NAV1: variants seen among roughly 807,000 people sequenced by gnomAD.
NAV1 encodes pore membrane and/or filament interacting like protein 3.
NAV1 carries 18 observed loss-of-function variants against 175.2 expected under a neutral mutation model. The observed-to-expected ratio is 0.10, with a 90% confidence interval of 0.07 to 0.15. The LOEUF (loss-of-function observed/expected upper bound fraction) is 0.15. NAV1 is among the 10% of genes least tolerant of loss of function. The pLI, the probability that NAV1 is intolerant of heterozygous loss-of-function variation, is 1.00. For missense variants in NAV1, 1,731 were observed against 2,436.6 expected (o/e 0.71, Z 6.10); for synonymous variants, 897 against 978.7 (o/e 0.92, Z 1.56).
chr1:201,593,682 T>G (rs963334377), intron 2 of NAV1, among the ~76,000 whole-genome samples: 2 of 152,160 alleles, frequency 1.3e-5, no homozygotes, highest in African/African-American at 4.8e-5. Context: ...ATTGCAACAT[T>G]GTCATGGGGG....
At chr1:201,758,372 T>C (rs1399533523) in intron 3 of NAV1, among the ~76,000 whole-genome samples, 3 of 152,232 alleles carry the variant, frequency 2.0e-5, no homozygotes, top group Admixed American at 2.0e-4. Flanking sequence ...TTGGAAACTG[T>C]AGGAACCAAC....
chr1:201,727,015 A>C (rs192221281), intron 3 of NAV1, among the ~76,000 whole-genome samples: 274 of 152,300 alleles, frequency 1.8e-3, no homozygotes, highest in African/African-American at 6.4e-3. Flanking sequence ...GTGAGTTTGG[A>C]TGAGTTTTTC....
At chr1:201,732,391 C>T (rs537872793) in intron 3 of NAV1, among the ~76,000 whole-genome samples, 33 of 152,158 alleles carry the variant, frequency 2.2e-4, no homozygotes, top group African/African-American at 6.7e-4. Context: ...GCTGCCCAGG[C>T]GGGTCTCAAA....
intron 1 of NAV1, among the ~76,000 whole-genome samples, chr1:201,564,335 C>T (rs1047803635): frequency 1.3e-5 from 2 of 152,128 alleles, no homozygotes; most frequent in Non-Finnish European, 2.9e-5. Context: ...GGGAATGGGG[C>T]CAGGCACGGT....
At chr1:201,597,311 T>C (rs1157863930) in intron 2 of NAV1, among the ~76,000 whole-genome samples, 1 of 152,182 alleles carries the variant, frequency 6.6e-6, no homozygotes, top group East Asian at 1.9e-4. Context: ...CTTCCCAGCC[T>C]TCACCCAGCT....
At chr1:201,723,613 A>G (rs960405814) in intron 3 of NAV1, 1 of 152,222 alleles carries the variant, frequency 6.6e-6, no homozygotes, top group Non-Finnish European at 1.5e-5. Flanking sequence ...TTACCAATGC[A>G]GAATCTCTGC....
intron 3 of NAV1, among the ~76,000 whole-genome samples, chr1:201,748,094 A>C (rs1673884833): frequency 6.6e-6 from 1 of 152,164 alleles, no homozygotes; most frequent in Non-Finnish European, 1.5e-5. Context: ...CTTCATAAAG[A>C]CTACTCTTCT....
chr1:201,629,502 G>A, exon 2 of NAV1: 2 of 1,303,380 alleles, frequency 1.5e-6, no homozygotes, highest in Non-Finnish European at 2.0e-6. Flanking sequence ...AGCTTCTCCT[G>A]CATGGGTAAG....
intron 1 of NAV1, among the ~76,000 whole-genome samples, chr1:201,569,252 C>T (rs937328968): frequency 1.3e-5 from 2 of 152,222 alleles, no homozygotes; most frequent in African/African-American, 4.8e-5. Context: ...GGCAGCTTCA[C>T]TCCAGTGCAA....
At chr1:201,653,777 T>C (rs1053717524) in intron 1 of NAV1, among the ~76,000 whole-genome samples, 1 of 152,074 alleles carries the variant, frequency 6.6e-6, no homozygotes, top group African/African-American at 2.4e-5. Context: ...GCAGTAGTGA[T>C]GGAGGATGCT....
chr1:201,785,705 C>G (rs1191664618), intron 8 of NAV1, among the ~76,000 whole-genome samples: 1 of 151,846 alleles, frequency 6.6e-6, no homozygotes, highest in Non-Finnish European at 1.5e-5. Context: ...TTTGGTCACT[C>G]AGCTGGGCTA....
chr1:201,597,166 T>C (rs1240833695), intron 2 of NAV1, among the ~76,000 whole-genome samples: 1 of 151,934 alleles, frequency 6.6e-6, no homozygotes, highest in African/African-American at 2.4e-5. Flanking sequence ...AACGAGAACA[T>C]TGGTCTAGTC....
chr1:201,788,583 C>T lies in NAV1; in HGVS notation c.3111C>T (p.Ala1037=), dbSNP rs751797090. ...AAATGGGGAGCACCCTGTCCCTGGC[C>T]GAGAGACCCAAGGGAATGATTCGGT... is the stretch of plus-strand genomic sequence containing the variant. Residue 1037 remains alanine, a synonymous_variant, in exon 10 of 30, where the codon GCC becomes GCT. Coordinates refer to ENST00000367296, the Ensembl canonical transcript of NAV1. This position sits in a 1 kb window ranked among gnomAD's most constrained non-coding sequence, Gnocchi z 5.7. 8.7e-6 allele frequency: 14 copies of T among 1,614,120 alleles called. No individual in the cohort carries two copies. Among genetic ancestry groups the T allele is most frequent in the East Asian group, 2.2e-5 (1 of 44,882 alleles).
chr1:201,575,612 A>C (rs534060852), intron 1 of NAV1, among the ~76,000 whole-genome samples: 2 of 152,232 alleles, frequency 1.3e-5, no homozygotes, highest in Non-Finnish European at 2.9e-5. Context: ...GGGGCCCCTT[A>C]AATTGGAAGG....
At chr1:201,823,790 C>T (rs1223921954) in exon 30 of NAV1, 2 of 152,236 alleles carry the variant, frequency 1.3e-5, no homozygotes, top group Non-Finnish European at 2.9e-5. Context: ...ATCTCACCAT[C>T]TCTTCACTTC....
chr1:201,815,886 G>A (rs1325139058), intron 28 of NAV1, among the ~76,000 whole-genome samples: 4 of 152,018 alleles, frequency 2.6e-5, no homozygotes, highest in African/African-American at 7.2e-5. Flanking sequence ...TTACAGGCAT[G>A]TGTCACCACG....
intron 1 of NAV1, among the ~76,000 whole-genome samples, chr1:201,667,593 C>T (rs1669876942): frequency 6.6e-6 from 1 of 152,158 alleles, no homozygotes; most frequent in Non-Finnish European, 1.5e-5. Flanking sequence ...AGACAGTGGA[C>T]CCGGGGAGGA....
At chr1:201,550,932 G>C (rs1192868449) in intron 1 of NAV1, among the ~76,000 whole-genome samples, 1 of 152,218 alleles carries the variant, frequency 6.6e-6, no homozygotes, top group African/African-American at 2.4e-5. Flanking sequence ...CCTGCTATCA[G>C]AGTTCTTCCT....
intron 2 of NAV1, among the ~76,000 whole-genome samples, chr1:201,607,633 A>G (rs2102245427): frequency 6.6e-6 from 1 of 151,278 alleles, no homozygotes; most frequent in South Asian, 2.1e-4. Context: ...CTGGGATTAG[A>G]GGCATGCACC....
Sources: gnomAD v4.1 joint callset for allele counts (sites outside exome capture counted in the v4.1 genomes callset) on GRCh38, gnomAD v4.1.1 for gene constraint, Gnocchi (gnomAD v3.1) non-coding constraint, MANE v1.5 for transcripts, NCBI Gene and HGNC (gene_info 2026-07-23, HGNC 2026-07-21) for gene names.